Variants in RAB18 observed in about 807,000 individuals in gnomAD.
RAB18 encodes ras-related protein Rab-18.
RAB18 carries 10 observed loss-of-function variants against 28.5 expected under a neutral mutation model. The ratio of observed to expected loss-of-function variants is 0.35; its 90% CI spans 0.22 to 0.60. The LOEUF is 0.60. Among genes scored for constraint, RAB18 ranks in the 20% least tolerant of loss-of-function variants. The pLI is 0.78. For missense variants in RAB18, 188 were observed against 244.2 expected, an observed-to-expected ratio of 0.77 and a Z score of 1.53; for synonymous variants, 93 against 86.9, an observed-to-expected ratio of 1.07 and a Z score of -0.39.
chr10:27,531,555 C>G, intron 3 of RAB18: 1 of 1,443,358 alleles, frequency 6.9e-7, no homozygotes, highest in Non-Finnish European at 9.5e-7. Flanking sequence ...AGACTGCAAA[C>G]TTTTTCTTAA....
At chr10:27,517,893 C>A (rs1164701251) in intron 2 of RAB18, among the ~76,000 whole-genome samples, 2 of 152,114 alleles carry the variant, frequency 1.3e-5, no homozygotes, top group African/African-American at 2.4e-5. Flanking sequence ...CAGCCACTTA[C>A]CTGGTCTCTA....
chr10:27,518,882 CTTATAGT>C (rs949682417), intron 2 of RAB18, among the ~76,000 whole-genome samples: 19 of 147,210 alleles, frequency 1.3e-4, no homozygotes, highest in East Asian at 1.9e-4. Flanking sequence ...TTCCAGAAGT[CTTATAGT>C]TTATAAAGTG....
chr10:27,541,143 T>A lies in RAB18; in HGVS notation c.*3092T>A, dbSNP rs1835017953. ...TTAGGAAGTTATTTTGTCTTTCCTG[T>A]ATTTCCCTAGTTAAGTATAGGGGTA... On this transcript the variant is annotated 3_prime_UTR_variant, in exon 7 of 7. Coordinates refer to ENST00000356940, the MANE Select transcript of RAB18 (RefSeq NM_021252.5). The A allele has an allele frequency of 2.2e-6, 1 of 453,962 alleles. No individual in the cohort carries two copies. The highest frequency in any genetic ancestry group is 2.0e-5 in the African/African-American group (1 of 50,002). The allele number at this position is 453,962 out of a possible 1,614,324, so 28.1% of individuals were successfully genotyped here. A position where few individuals can be genotyped will look rare whatever the true frequency, so the allele number is the denominator to read the frequency against.
chr10:27,542,018 T>C lies in RAB18; in HGVS notation c.*3967T>C, dbSNP rs571495776. 7.7e-4 allele frequency: 348 copies of C among 454,068 alleles called. 2 individuals carry two copies. Among genetic ancestry groups the C allele is most frequent in the African/African-American group, 5.0e-3 (249 of 50,116 alleles). The allele number at this position is 454,068 out of a possible 1,614,324, so 28.1% of individuals were successfully genotyped here. On this transcript the variant is annotated 3_prime_UTR_variant, in exon 7 of 7. Coordinates refer to ENST00000356940, the MANE Select transcript of RAB18 (RefSeq NM_021252.5). ...TTTGCCTAGGCTTTTTCAGGAGCAA[T>C]TGAAGACATCTTGTTGGAGATAGTG...
chr10:27,538,143 G>A lies in RAB18; in HGVS notation c.*92G>A, dbSNP rs1252157644. 1.3e-5 allele frequency: 20 copies of A among 1,505,826 alleles called. No homozygotes were observed. The highest frequency in any genetic ancestry group is 1.8e-5 in the Non-Finnish European group (19 of 1,084,974). 93.3% of individuals were successfully genotyped at this position (1,505,826 alleles called of 1,614,324 possible). The stretch of plus-strand genomic sequence containing the variant: ...TAACTGCTATTTTAGGGACCTTGCA[G>A]TTTGCACATAATTGTTTTATATCAT... On this transcript the variant is annotated 3_prime_UTR_variant, in exon 7 of 7. Transcript: ENST00000356940.
At chr10:27,522,515 A>T (rs1210229935) in intron 2 of RAB18, among the ~76,000 whole-genome samples, 14 of 152,134 alleles carry the variant, frequency 9.2e-5, no homozygotes, top group Admixed American at 9.2e-4. Flanking sequence ...CAATCTTTTG[A>T]TAGGAGAGTT....
intron 1 of RAB18, chr10:27,505,120 A>G (rs773892108): frequency 3.7e-6 from 2 of 533,490 alleles, no homozygotes; most frequent in East Asian, 5.4e-5. Flanking sequence ...GAGACAGAAG[A>G]TTAGTGTTGT....
In RAB18 at chr10:27,538,773, G is replaced by GA. The variant is rs1479334455; in HGVS notation, c.*723dup. 2.2e-6 allele frequency: 1 copy of GA among 453,950 alleles called. No individual in the cohort carries two copies. Among genetic ancestry groups the GA allele is most frequent in the Non-Finnish European group, 4.4e-6 (1 of 226,768 alleles). 28.1% of individuals were successfully genotyped at this position (453,950 alleles called of 1,614,324 possible). ...TTAGTTATGTGGTGTTTGGCAGAAT[G>GA]ACAATAAGGTTTTCCCCCATTTTGG... On this transcript the variant is annotated 3_prime_UTR_variant, in exon 7 of 7. Coordinates refer to ENST00000356940, the MANE Select transcript of RAB18 (RefSeq NM_021252.5).
At chr10:27,534,504 T>G (rs1834854222) in intron 6 of RAB18, among the ~76,000 whole-genome samples, 2 of 152,244 alleles carry the variant, frequency 1.3e-5, no homozygotes, top group Non-Finnish European at 2.9e-5. Context: ...GCCATGTCCA[T>G]GTGTTTACAT....
chr10:27,541,361 A>ATTTT lies in RAB18; in HGVS notation c.*3312_*3315dup. 4 of 422,034 alleles carry ATTTT rather than the reference A, an allele frequency of 9.5e-6. No homozygotes were observed. Among genetic ancestry groups the ATTTT allele is most frequent in the Non-Finnish European group, 1.8e-5 (4 of 216,858 alleles). 26.1% of individuals were successfully genotyped at this position (422,034 alleles called of 1,614,324 possible). A position where few individuals can be genotyped will look rare whatever the true frequency, so the allele number is the denominator to read the frequency against. Reference sequence around the variant, plus strand: ...ACCCAGGTCTTTTTTTTTTTTTTTAATTTTTCTCTCCTCAGTTGGGAACAT... The same window carrying ATTTT: ...ACCCAGGTCTTTTTTTTTTTTTTTAATTTTTTTTTCTCTCCTCAGTTGGGAACAT... On this transcript the variant is annotated 3_prime_UTR_variant, in exon 7 of 7. Coordinates refer to ENST00000356940, the MANE Select transcript of RAB18 (RefSeq NM_021252.5).
At chr10:27,526,541 G>A (rs561264931) in intron 2 of RAB18, among the ~76,000 whole-genome samples, 8 of 152,266 alleles carry the variant, frequency 5.3e-5, no homozygotes, top group African/African-American at 1.4e-4. Context: ...CTTTTAACAC[G>A]CATAGTGAGT....
At chr10:27,525,470 C>T (rs1834653817) in intron 2 of RAB18, among the ~76,000 whole-genome samples, 1 of 150,316 alleles carries the variant, frequency 6.7e-6, no homozygotes, top group African/African-American at 2.4e-5. Flanking sequence ...TAGATAATTT[C>T]ATGTTGTTTA....
At position 27,539,941 on chromosome 10, in the gene RAB18, G is replaced by C; in HGVS notation, c.*1890G>C. On this transcript the variant is annotated 3_prime_UTR_variant, in exon 7 of 7. Transcript: ENST00000356940. ...CTTTCATTTTGTTGTTTTGTTGCAA[G>C]CTTAGTGTTTTGTAGTGGAGGTTTT... The C allele has an allele frequency of 2.2e-6, 1 of 453,356 alleles. No homozygotes were observed. Among genetic ancestry groups the C allele is most frequent in the Non-Finnish European group, 4.4e-6 (1 of 226,522 alleles). 28.1% of individuals were successfully genotyped at this position (453,356 alleles called of 1,614,324 possible).
chr10:27,521,514 G>A (rs1371193726), intron 2 of RAB18, among the ~76,000 whole-genome samples: 2 of 152,254 alleles, frequency 1.3e-5, no homozygotes, highest in East Asian at 3.9e-4. Flanking sequence ...ATACCACTCA[G>A]CCATAAAAAG....
At chr10:27,530,421 T>C (rs1834764041) in intron 3 of RAB18, among the ~76,000 whole-genome samples, 1 of 135,184 alleles carries the variant, frequency 7.4e-6, no homozygotes, top group Admixed American at 7.1e-5. Flanking sequence ...CTTTTCCTTC[T>C]TTTTTTTTTT....
At chr10:27,529,533 T>G (rs960470388) in intron 3 of RAB18, among the ~76,000 whole-genome samples, 2 of 151,938 alleles carry the variant, frequency 1.3e-5, no homozygotes, top group Non-Finnish European at 2.9e-5. Context: ...TTCTACTGCC[T>G]TTTCCTATGT....
intron 3 of RAB18, among the ~76,000 whole-genome samples, chr10:27,527,770 A>T (rs767741008): frequency 2.5e-4 from 38 of 152,070 alleles, no homozygotes; most frequent in Non-Finnish European, 4.0e-4. Context: ...CAGATTGAAA[A>T]CAGCAAGTGT....
intron 1 of RAB18, among the ~76,000 whole-genome samples, chr10:27,508,255 C>T (rs868063976): frequency 1.6e-4 from 25 of 152,182 alleles, no homozygotes; most frequent in African/African-American, 5.1e-4. Flanking sequence ...CACACCATGC[C>T]ACCAATTCCC....
Position 27,513,781 on chromosome 10 carries a change from A to C in RAB18, c.124+3851A>C, listed in dbSNP as rs569757036. Among the ~76,000 whole-genome samples the C allele has an allele frequency of 2.6e-5, 4 of 152,300 alleles. No homozygotes were observed. The South Asian group carries it at 8.3e-4, about 32-fold the overall frequency. On this transcript the variant is annotated intron_variant, in intron 2 of 6. Coordinates refer to ENST00000356940, the MANE Select transcript of RAB18 (RefSeq NM_021252.5). ...AACAAGAAACACCCATGAAACTGCA[A>C]GGCCCCCCTGAGGTATAAAACCTAA...
Sources: gnomAD v4.1 joint callset for allele counts (sites outside exome capture counted in the v4.1 genomes callset) on GRCh38, gnomAD v4.1.1 for gene constraint, MANE v1.5 for transcripts, NCBI Gene and HGNC (gene_info 2026-07-23, HGNC 2026-07-21) for gene names.